The following H2BC5 variants were observed in gnomAD, a reference collection of about 807,000 sequenced individuals.
H2BC5 encodes the protein histone H2B type 1-D.
A neutral mutation model predicts 5.7 loss-of-function variants in H2BC5; 9 were observed. The ratio of observed to expected loss-of-function variants is 1.57; its 90% CI spans 0.95 to 2.74. The LOEUF is 2.74. Ranked by LOEUF, H2BC5 falls within the 30% of genes most tolerant of loss-of-function variation. H2BC5 has a pLI of 0.00. For synonymous variants in H2BC5, 133 were observed against 70.9 expected (o/e 1.88, Z -4.40); for missense variants, 175 against 168.8 (o/e 1.04, Z -0.20).
intron 1 of H2BC5, among the ~76,000 whole-genome samples, chr6:26,166,365 G>A (rs2113837024): frequency 6.6e-6 from 1 of 152,206 alleles, no homozygotes; most frequent in South Asian, 2.1e-4. Context: ...GCTCAGTCTG[G>A]TGCCTGCTCT....
chr6:26,159,287 T>A (rs1764309388), downstream of H2BC5, among the ~76,000 whole-genome samples: 1 of 127,276 alleles, frequency 7.9e-6, no homozygotes, highest in Non-Finnish European at 1.6e-5. Flanking sequence ...GCTTTCAGGT[T>A]AAAAGTCCTC....
At chr6:26,166,825 T>C (rs1172748168) in intron 1 of H2BC5, among the ~76,000 whole-genome samples, 12 of 149,056 alleles carry the variant, frequency 8.1e-5, no homozygotes, top group African/African-American at 2.9e-4. Flanking sequence ...TTAGCCTCCC[T>C]GAGTAGCTGG....
At chr6:26,160,669 C>A (rs1313633474), downstream of H2BC5, 1 of 149,382 alleles carries the variant, frequency 6.7e-6, no homozygotes, top group East Asian at 2.0e-4. Flanking sequence ...GAGTTCGAGA[C>A]CAGTCTGGCC....
chr6:26,159,319 T>C (rs1264433843), downstream of H2BC5, among the ~76,000 whole-genome samples: 15 of 119,004 alleles, frequency 1.3e-4, no homozygotes, highest in East Asian at 3.8e-3. Context: ...AGAAACCAAA[T>C]AGTCAATCAT....
chr6:26,159,262 T>TTGG (rs1764307726), downstream of H2BC5, among the ~76,000 whole-genome samples: 1 of 143,888 alleles, frequency 6.9e-6, no homozygotes, highest in African/African-American at 2.6e-5. Context: ...TTTTTTTTTT[T>TTGG]TTTTTTTTTT....
downstream of H2BC5, chr6:26,158,651 G>C (rs1764284976): frequency 2.0e-6 from 3 of 1,523,744 alleles, no homozygotes; most frequent in East Asian, 6.8e-5. Context: ...CAAAAGGGGG[G>C]TTATTGGACT....
At chr6:26,168,715 A>T (rs1764473779) in intron 1 of H2BC5, among the ~76,000 whole-genome samples, 1 of 152,184 alleles carries the variant, frequency 6.6e-6, no homozygotes, top group Non-Finnish European at 1.5e-5. Context: ...ACAGAGACAA[A>T]GCCCATTAAA....
At chr6:26,158,774 G>T, downstream of H2BC5, 1 of 681,928 alleles carries the variant, frequency 1.5e-6, no homozygotes, top group South Asian at 2.1e-5. Context: ...GTACGTATTA[G>T]ATCGTTAGCT....
In H2BC5 at chr6:26,158,302, G is replaced by A; in HGVS notation, c.133G>A (p.Val45Met). The change falls in exon 1 of 1, where the codon GTG (valine) becomes ATG (methionine). Residue 45 changes from valine (V) to methionine (M), a missense_variant. Transcript: ENST00000377777. ...KESYSVYVYK[V>M]LKQVHPDTGI... is the part of the protein sequence containing the mutation. ...GAGCTATTCAGTGTATGTGTACAAGGTGCTGAAGCAGGTCCATCCCGACAC... is the reference window on the plus strand; with the variant it reads ...GAGCTATTCAGTGTATGTGTACAAGATGCTGAAGCAGGTCCATCCCGACAC... 6.2e-7 allele frequency: 1 copy of A among 1,614,256 alleles called. No homozygotes were observed. The highest frequency in any genetic ancestry group is 8.5e-7 in the Non-Finnish European group (1 of 1,180,054).
chr6:26,167,049 C>CTTTTTTTTTTTTTTTTTTTT (rs149341201), intron 1 of H2BC5, among the ~76,000 whole-genome samples: 43 of 97,028 alleles, frequency 4.4e-4, no homozygotes, highest in Non-Finnish European at 4.9e-4. Flanking sequence ...TTTGTTTTCT[C>CTTTTTTTTTTTTTTTTTTTT]TTTTTTTTTT....
rs777186414 is a variant in H2BC5 at position 26,158,122 on chromosome 6, A to G, written c.-48A>G. 5 of 1,572,552 alleles carry G rather than the reference A, an allele frequency of 3.2e-6. No individual in the cohort carries two copies. The highest frequency in any genetic ancestry group is 4.3e-6 in the Non-Finnish European group (5 of 1,160,830). On this transcript the variant is annotated 5_prime_UTR_variant, in exon 1 of 1. Coordinates refer to ENST00000377777, the MANE Select transcript of H2BC5 (RefSeq NM_021063.4). The stretch of plus-strand genomic sequence containing the variant: ...AATGAACAGGGCCTCGGCGGGAGTG[A>G]TTATTTTCTCAGGTGTTTGCAACAG...
chr6:26,159,126 G>A (rs1008391008), downstream of H2BC5, among the ~76,000 whole-genome samples: 30 of 152,098 alleles, frequency 2.0e-4, no homozygotes, highest in African/African-American at 7.0e-4. Context: ...TCTTAAGCGA[G>A]TGGGGCAGGG....
downstream of H2BC5, among the ~76,000 whole-genome samples, chr6:26,162,319 G>A (rs931715677): frequency 2.0e-5 from 3 of 151,694 alleles, no homozygotes; most frequent in African/African-American, 7.2e-5. Context: ...AAAAATGTTC[G>A]ATATTCTCTC....
chr6:26,167,049 CTTTTTTTTTTT>C lies in H2BC5; in HGVS notation c.*10-3914_*10-3904del, dbSNP rs149341201. Among the ~76,000 whole-genome samples the C allele has an allele frequency of 3.3e-3, 320 of 97,038 alleles. 4 individuals are homozygous for C. Among genetic ancestry groups the C allele is most frequent in the East Asian group, 0.015 (46 of 2,972 alleles). 63.7% of individuals were successfully genotyped at this position (97,038 alleles called of 152,430 possible). A position where few individuals can be genotyped will look rare whatever the true frequency, so the allele number is the denominator to read the frequency against. On this transcript the variant is annotated intron_variant, in intron 1 of 1. Transcript: ENST00000289316. ...CTTTTCTTTCTTTTTTTTGTTTTCT[CTTTTTTTTTTT>C]TTTTTTTTTTTGTAAAATGATAGGA...
chr6:26,158,762 G>T (rs1205830568), downstream of H2BC5: 2 of 777,736 alleles, frequency 2.6e-6, no homozygotes, highest in Middle Eastern at 3.7e-4. Context: ...TGAGTGCTAT[G>T]GGTACGTATT....
downstream of H2BC5, chr6:26,163,265 C>A (rs1280464293): frequency 3.9e-5 from 6 of 152,100 alleles, no homozygotes; most frequent in Non-Finnish European, 7.4e-5. Context: ...AGGCATGAGG[C>A]ACCGCACCTG....
chr6:26,167,389 C>T (rs2113837886), intron 1 of H2BC5, among the ~76,000 whole-genome samples: 1 of 152,328 alleles, frequency 6.6e-6, no homozygotes, highest in Non-Finnish European at 1.5e-5. Context: ...CCTGCTCTTG[C>T]ACCTGGGAAC....
chr6:26,164,247 G>T (rs1362626789), intron 1 of H2BC5: 3 of 346,186 alleles, frequency 8.7e-6, no homozygotes, highest in Non-Finnish European at 1.8e-5. Context: ...ACCATGATCA[G>T]CCAGCCCTCT....
downstream of H2BC5, among the ~76,000 whole-genome samples, chr6:26,158,863 C>T (rs577925511): frequency 1.4e-4 from 21 of 152,184 alleles, no homozygotes; most frequent in African/African-American, 4.6e-4. Flanking sequence ...TGCAGATTTC[C>T]AAGTTGATCG....
Sources: gnomAD v4.1 joint callset for allele counts (sites outside exome capture counted in the v4.1 genomes callset) on GRCh38, gnomAD v4.1.1 for gene constraint, MANE v1.5 for transcripts, NCBI Gene and HGNC (gene_info 2026-07-23, HGNC 2026-07-21) for gene names.